SOX5: variants seen among roughly 807,000 people sequenced by gnomAD.
The protein encoded by SOX5 is transcription factor SOX-5.
A neutral mutation model predicts 92.0 loss-of-function variants in SOX5; 9 were observed. The observed-to-expected ratio is 0.10, with a 90% CI of 0.06 to 0.17. The LOEUF (loss-of-function observed/expected upper bound fraction) is 0.17, where lower values mean the gene tolerates loss of function less well. Among genes scored for constraint, SOX5 ranks in the 10% least tolerant of loss-of-function variants. The pLI is 1.00. For synonymous variants in SOX5, 344 were observed against 336.3 expected (o/e 1.02, Z -0.25); for missense variants, 642 against 944.5 (o/e 0.68, Z 4.20).
chr12:24,109,108 T>A (rs990210504), intron 4 of SOX5, among the ~76,000 whole-genome samples: 3 of 152,180 alleles, frequency 2.0e-5, no homozygotes, highest in African/African-American at 7.2e-5. Context: ...AATCTTTATT[T>A]CTAAAGTTTA....
intron 2 of SOX5, among the ~76,000 whole-genome samples, chr12:24,301,698 A>G (rs191383740): frequency 2.0e-5 from 3 of 152,182 alleles, no homozygotes; most frequent in Admixed American, 2.0e-4. Context: ...TTTTTCTGTA[A>G]TTTTTTAAAC....
chr12:24,263,086 C>T (rs1377706407), intron 3 of SOX5, among the ~76,000 whole-genome samples: 1 of 151,446 alleles, frequency 6.6e-6, no homozygotes, highest in Non-Finnish European at 1.5e-5. Context: ...ATTAGCCGGA[C>T]ATGATGGCGG....
intron 1 of SOX5, among the ~76,000 whole-genome samples, chr12:24,428,881 CCTGA>C (rs770192626): frequency 2.5e-4 from 38 of 152,002 alleles, no homozygotes; most frequent in Non-Finnish European, 4.7e-4. Context: ...GTGGGTGGAG[CCTGA>C]CTGAGTTCAA....
At chr12:24,062,039 C>T (rs892993515) in intron 4 of SOX5, among the ~76,000 whole-genome samples, 3 of 152,146 alleles carry the variant, frequency 2.0e-5, no homozygotes, top group African/African-American at 7.2e-5. Flanking sequence ...AACAAAGTTG[C>T]ATCAACTAAT....
At chr12:24,397,999 G>A (rs554153465) in intron 1 of SOX5, among the ~76,000 whole-genome samples, 4 of 151,906 alleles carry the variant, frequency 2.6e-5, no homozygotes, top group Non-Finnish European at 4.4e-5. Flanking sequence ...ACAGGTGCCC[G>A]CCACCATGCC....
intron 3 of SOX5, 120 bp from the exon 4 acceptor site, chr12:23,755,844 T>C (rs930376036): frequency 6.8e-6 from 4 of 591,468 alleles, no homozygotes; most frequent in Non-Finnish European, 1.2e-5. Flanking sequence ...CATAATGGCT[T>C]CATCAAAAAA....
At chr12:23,917,675 T>C (rs775855767) in intron 1 of SOX5, among the ~76,000 whole-genome samples, 5 of 152,144 alleles carry the variant, frequency 3.3e-5, no homozygotes, top group African/African-American at 7.2e-5. Flanking sequence ...ACAAAACAGA[T>C]CATTTATCAG....
At chr12:24,509,432 A>G (rs186096297) in intron 1 of SOX5, among the ~76,000 whole-genome samples, 2 of 152,274 alleles carry the variant, frequency 1.3e-5, no homozygotes, top group African/African-American at 4.8e-5. Context: ...CATAAAAATG[A>G]CCATGGCATT....
intron 1 of SOX5, among the ~76,000 whole-genome samples, chr12:24,459,298 A>G (rs1391578269): frequency 6.6e-6 from 1 of 152,170 alleles, no homozygotes; most frequent in African/African-American, 2.4e-5. Flanking sequence ...GGTCCATTCA[A>G]AGAAACCTGA....
At chr12:23,545,756 G>GT (rs1419662424) in intron 12 of SOX5, among the ~76,000 whole-genome samples, 1 of 151,932 alleles carries the variant, frequency 6.6e-6, no homozygotes, top group African/African-American at 2.4e-5. Context: ...GGGAAGTGAG[G>GT]CCGCATGCAG....
Position 24,527,427 on chromosome 12 carries a change from T to G in SOX5, c.-251+34902A>C, listed in dbSNP as rs574141176. ...ACCACTTGAATATCAAAGTTAAAAC[T>G]TGTTGTGCCAATGTCCTTGCCAGTT... On this transcript the variant is annotated intron_variant, in intron 1 of 4. Coordinates refer to the SOX5 transcript ENST00000446891. Among the ~76,000 whole-genome samples, 3 of 152,358 alleles carry G rather than the reference T, an allele frequency of 2.0e-5. No individual in the cohort carries two copies. In the East Asian group the frequency reaches 5.8e-4, roughly 29 times the overall value.
intron 4 of SOX5, among the ~76,000 whole-genome samples, chr12:24,104,323 T>C (rs940121229): frequency 8.5e-5 from 13 of 152,198 alleles, no homozygotes; most frequent in Admixed American, 6.5e-5. Flanking sequence ...TAAGAAACAT[T>C]ATCTACAGGT....
chr12:24,326,521 T>C (rs557610753), intron 2 of SOX5, among the ~76,000 whole-genome samples: 117 of 152,186 alleles, frequency 7.7e-4, no homozygotes, highest in African/African-American at 2.7e-3. Context: ...GTCTGGCATA[T>C]AGTTGGTGAG....
At chr12:24,040,466 GGT>G (rs1277235323) in intron 4 of SOX5, among the ~76,000 whole-genome samples, 2 of 152,106 alleles carry the variant, frequency 1.3e-5, no homozygotes, top group Non-Finnish European at 2.9e-5. Context: ...ATGCCCTTGT[GGT>G]TGTTCAAAAA....
At chr12:24,008,609 T>C (rs1952582843) in intron 4 of SOX5, among the ~76,000 whole-genome samples, 1 of 152,226 alleles carries the variant, frequency 6.6e-6, no homozygotes, top group Admixed American at 6.5e-5. Flanking sequence ...TCTATTTTAA[T>C]ATTAAGTAAA....
intron 9 of SOX5, among the ~76,000 whole-genome samples, chr12:23,581,988 T>C (rs777638022): frequency 7.2e-5 from 11 of 152,088 alleles, no homozygotes; most frequent in Non-Finnish European, 1.0e-4. Flanking sequence ...TAAATACTCA[T>C]GTGAAATAAG....
Position 23,898,132 on chromosome 12 carries a change from C to A in SOX5, c.39-2108G>T, listed in dbSNP as rs372328859. 5.3e-5 allele frequency among the ~76,000 whole-genome samples: 8 copies of A among 152,302 alleles called. No individual in the cohort carries two copies. In the South Asian group the frequency reaches 1.0e-3, roughly 20 times the overall value. ...ATGTTCTACAGGCAAACTTCTGATT[C>A]TCATGTAAAGAGTTTGTGGACAGAA... On this transcript the variant is annotated intron_variant, in intron 1 of 14. Transcript: ENST00000451604.
intron 6 of SOX5, among the ~76,000 whole-genome samples, chr12:23,726,343 C>A (rs897983780): frequency 2.0e-5 from 3 of 152,062 alleles, no homozygotes; most frequent in Non-Finnish European, 2.9e-5. Context: ...TAGAGTAATT[C>A]ATTTTGTTAA....
chr12:24,125,631 G>T (rs1949038855), intron 4 of SOX5, among the ~76,000 whole-genome samples: 1 of 152,164 alleles, frequency 6.6e-6, no homozygotes, highest in South Asian at 2.1e-4. Context: ...TGGTTTAACA[G>T]ATGTGTTAAG....
Sources: gnomAD v4.1 joint callset for allele counts (sites outside exome capture counted in the v4.1 genomes callset) on GRCh38, gnomAD v4.1.1 for gene constraint, MANE v1.5 for transcripts, NCBI Gene and HGNC (gene_info 2026-07-23, HGNC 2026-07-21) for gene names.